The following EYS variants were observed in gnomAD, a reference collection of about 807,000 sequenced individuals.
EYS encodes the protein EGF-like photoreceptor maintenance factor, also known as protein eyes shut homolog.
In EYS, 250 loss-of-function variants were observed where a neutral mutation model predicts 282.1. The ratio of observed to expected loss-of-function variants is 0.89; its 90% CI spans 0.80 to 0.98. The LOEUF (loss-of-function observed/expected upper bound fraction) is 0.98. Among genes scored for constraint, EYS ranks in the 50% least tolerant of loss-of-function variants. The pLI is 0.00. For synonymous variants in EYS, 1,355 were observed against 1,282.9 expected (o/e 1.06, Z -1.20); for missense variants, 4,016 against 3,709.0 (o/e 1.08, Z -2.15).
At chr6:64,080,076 A>T (rs1771911802) in intron 32 of EYS, among the ~76,000 whole-genome samples, 3 of 152,202 alleles carry the variant, frequency 2.0e-5, no homozygotes, top group Admixed American at 2.0e-4. Flanking sequence ...TACTTTGGGT[A>T]TTACCCAGTA....
chr6:65,237,211 A>T (rs1171167140), intron 12 of EYS, among the ~76,000 whole-genome samples: 1 of 152,194 alleles, frequency 6.6e-6, no homozygotes, highest in Non-Finnish European at 1.5e-5. Flanking sequence ...TTAGCTCTGC[A>T]CTTTGCTCAC....
At chr6:64,762,681 A>G (rs1773198476) in intron 22 of EYS, among the ~76,000 whole-genome samples, 1 of 151,286 alleles carries the variant, frequency 6.6e-6, no homozygotes, top group South Asian at 2.1e-4. Context: ...ACACACACAC[A>G]TGCACACACA....
At chr6:65,352,280 T>C (rs959461755) in intron 9 of EYS, among the ~76,000 whole-genome samples, 4 of 151,928 alleles carry the variant, frequency 2.6e-5, no homozygotes, top group African/African-American at 9.7e-5. Flanking sequence ...CTGCTGTTGG[T>C]TAGCTGTTAC....
chr6:65,231,714 G>T (rs1427770267), intron 12 of EYS, among the ~76,000 whole-genome samples: 1 of 151,764 alleles, frequency 6.6e-6, no homozygotes, highest in Admixed American at 6.6e-5. Flanking sequence ...TCCTCTTAGT[G>T]AAAATACATC....
chr6:64,593,055 T>C (rs1766460376), intron 25 of EYS, 62 bp downstream of exon 25: 3 of 1,234,804 alleles, frequency 2.4e-6, no homozygotes, highest in African/African-American at 1.6e-5. Context: ...GCAGAAAATA[T>C]GCTTTTACCA....
chr6:65,242,587 GACA>G (rs1767082983), intron 12 of EYS, among the ~76,000 whole-genome samples: 1 of 151,798 alleles, frequency 6.6e-6, no homozygotes, highest in Non-Finnish European at 1.5e-5. Flanking sequence ...AACATTTTTG[GACA>G]ACTTTTCTGT....
intron 19 of EYS, among the ~76,000 whole-genome samples, chr6:64,830,151 C>T (rs1457423115): frequency 2.6e-5 from 4 of 151,966 alleles, no homozygotes; most frequent in African/African-American, 9.7e-5. Context: ...AACCTTCCAC[C>T]ATGTGAGGAC....
chr6:63,993,309 A>G (rs1767687831), intron 34 of EYS, among the ~76,000 whole-genome samples: 1 of 151,708 alleles, frequency 6.6e-6, no homozygotes, highest in South Asian at 2.1e-4. Context: ...TGGCTGGAGC[A>G]GTTAGGCAAA....
At chr6:64,416,645 T>C (rs1774067332) in intron 28 of EYS, among the ~76,000 whole-genome samples, 1 of 152,022 alleles carries the variant, frequency 6.6e-6, no homozygotes, top group South Asian at 2.1e-4. Flanking sequence ...TCACTCACCA[T>C]AGCTAAGTGC....
chr6:64,299,342 G>A (rs553126764), intron 30 of EYS, among the ~76,000 whole-genome samples: 2 of 152,342 alleles, frequency 1.3e-5, no homozygotes, highest in South Asian at 2.1e-4. Flanking sequence ...TAGTCAGAGT[G>A]TGCATGCGGC....
At chr6:64,188,462 T>C (rs2150315269) in intron 31 of EYS, among the ~76,000 whole-genome samples, 1 of 152,298 alleles carries the variant, frequency 6.6e-6, no homozygotes. Context: ...CAATCGCTTT[T>C]TAGTAAAAAT....
chr6:64,026,854 G>A (rs12209600), intron 33 of EYS, among the ~76,000 whole-genome samples: 46,412 of 151,928 alleles, frequency 0.31, 7,370 homozygotes, highest in Middle Eastern at 0.37. Context: ...CCCAACCCGG[G>A]TACATGTCCC....
intron 12 of EYS, among the ~76,000 whole-genome samples, chr6:65,290,268 C>A (rs1333437547): frequency 6.6e-6 from 1 of 150,488 alleles, no homozygotes; most frequent in African/African-American, 2.4e-5. Context: ...AAGTATTAAA[C>A]AAAAATCAGA....
chr6:64,066,594 G>A, intron 32 of EYS, 103 bp from the exon 33 acceptor site: 1 of 781,484 alleles, frequency 1.3e-6, no homozygotes, highest in Non-Finnish European at 2.0e-6. Flanking sequence ...ATGATTTAGG[G>A]GGTTGGTAGG....
At chr6:64,275,428 T>C (rs1041012349) in intron 30 of EYS, among the ~76,000 whole-genome samples, 1 of 151,000 alleles carries the variant, frequency 6.6e-6, no homozygotes, top group African/African-American at 2.4e-5. Flanking sequence ...CAATTACAAA[T>C]GCACACTTAT....
chr6:64,280,749 G>A (rs966069732), intron 30 of EYS, among the ~76,000 whole-genome samples: 1 of 152,074 alleles, frequency 6.6e-6, no homozygotes, highest in African/African-American at 2.4e-5. Context: ...ATGCCAATTG[G>A]TAAAGTCATC....
intron 26 of EYS, among the ~76,000 whole-genome samples, chr6:64,479,827 T>C (rs1485182094): frequency 2.0e-5 from 3 of 151,886 alleles, no homozygotes; most frequent in Non-Finnish European, 4.4e-5. Flanking sequence ...CATAATACAA[T>C]AAAGTTTATT....
chr6:65,060,681 G>A (rs1209930772), intron 12 of EYS, among the ~76,000 whole-genome samples: 2 of 151,440 alleles, frequency 1.3e-5, no homozygotes, highest in African/African-American at 4.8e-5. Context: ...TCTGGGTACA[G>A]GTTAGCACAA....
chr6:65,526,805 C>CAAAAAAAAAAAAAAAA (rs1359760384), intron 2 of EYS, among the ~76,000 whole-genome samples: 2 of 151,778 alleles, frequency 1.3e-5, no homozygotes, highest in African/African-American at 2.4e-5. Context: ...GACTCTGTCT[C>CAAAAAAAAAAAAAAAA]AAAAAACAAA....
Sources: allele counts gnomAD v4.1 joint callset (sites outside exome capture counted in the v4.1 genomes callset), GRCh38; gene constraint gnomAD v4.1.1; transcripts MANE v1.5; gene names NCBI Gene and HGNC (gene_info 2026-07-23, HGNC 2026-07-21).